Variants in HPGDS observed in about 807,000 individuals in gnomAD.
HPGDS encodes the protein hematopoietic prostaglandin D synthase.
HPGDS carries 26 observed loss-of-function variants against 23.1 expected under a neutral mutation model. The ratio of observed to expected loss-of-function variants is 1.13; its 90% CI spans 0.83 to 1.56. The LOEUF (loss-of-function observed/expected upper bound fraction) is 1.56, where lower values mean the gene tolerates loss of function less well. Ranked by LOEUF, HPGDS falls within the 40% of genes most tolerant of loss-of-function variation. The probability of loss-of-function intolerance (pLI) is 0.00; values close to 1 mark genes in which losing one functional copy is unlikely to be tolerated. For missense variants in HPGDS, 268 were observed against 236.4 expected (o/e 1.13, Z -0.88); for synonymous variants, 95 against 77.9 (o/e 1.22, Z -1.16).
chr4:94,308,712 A>G lies in HPGDS; in HGVS notation c.258T>C (p.Cys86=). Residue 86 remains cysteine (C), a synonymous_variant, in exon 4 of 6, where the codon TGT becomes TGC. Transcript: ENST00000295256. ...GAGTGTCCACAATAGCATCAACATG[A>G]CATTGTTCCATTTCTGTGTTTCCAG... ...DLAGNTEMEQ[C]HVDAIVDTLD... 1.9e-6 allele frequency: 3 copies of G among 1,605,662 alleles called. No individual in the cohort carries two copies. Among genetic ancestry groups the G allele is most frequent in the Non-Finnish European group, 2.6e-6 (3 of 1,173,668 alleles).
intron 3 of HPGDS, among the ~76,000 whole-genome samples, chr4:94,315,396 G>T (rs1004738036): frequency 2.0e-5 from 3 of 152,098 alleles, no homozygotes; most frequent in South Asian, 4.1e-4. Context: ...AATTTATTTT[G>T]TATCAAGAAT....
In HPGDS at chr4:94,300,209, G is replaced by A. The variant is rs188134296; in HGVS notation, c.436-565C>T. Among the ~76,000 whole-genome samples the A allele has an allele frequency of 1.2e-4, 18 of 152,196 alleles. No homozygotes were observed. The East Asian group carries it at 2.9e-3, about 25-fold the overall frequency. On this transcript the variant is annotated intron_variant, in intron 5 of 5. Transcript: ENST00000295256. ...CTACGTAGTATAAAGGAAGGTGCAGGTTACTCTTAGAGGGTATATAATTTC... is the reference window on the plus strand; with the variant it reads ...CTACGTAGTATAAAGGAAGGTGCAGATTACTCTTAGAGGGTATATAATTTC...
At chr4:94,307,840 A>C (rs902520338) in intron 4 of HPGDS, among the ~76,000 whole-genome samples, 2 of 152,198 alleles carry the variant, frequency 1.3e-5, no homozygotes, top group Non-Finnish European at 1.5e-5. Flanking sequence ...AGCATACTAC[A>C]GTGCACAGTT....
At chr4:94,300,439 G>A (rs559960949) in intron 5 of HPGDS, among the ~76,000 whole-genome samples, 34 of 152,280 alleles carry the variant, frequency 2.2e-4, no homozygotes, top group African/African-American at 8.2e-4. Context: ...TTATCAAAGA[G>A]TGAAGTTTAA....
At chr4:94,312,388 C>A (rs544167192) in intron 3 of HPGDS, among the ~76,000 whole-genome samples, 5 of 152,138 alleles carry the variant, frequency 3.3e-5, no homozygotes, top group Admixed American at 1.3e-4. Flanking sequence ...GCCTTCATTT[C>A]GTTATGTACC....
intron 2 of HPGDS, among the ~76,000 whole-genome samples, chr4:94,328,644 A>T (rs1037779326): frequency 6.6e-6 from 1 of 152,218 alleles, no homozygotes; most frequent in Non-Finnish European, 1.5e-5. Context: ...TAATGCATGT[A>T]AATCACTTTT....
chr4:94,336,570 G>A (rs975487721), intron 1 of HPGDS, among the ~76,000 whole-genome samples: 3 of 152,172 alleles, frequency 2.0e-5, no homozygotes, highest in African/African-American at 7.2e-5. Flanking sequence ...ATATAGATAT[G>A]TGGGGAAATG....
intron 4 of HPGDS, among the ~76,000 whole-genome samples, chr4:94,302,821 C>T (rs1465686324): frequency 1.3e-5 from 2 of 151,884 alleles, no homozygotes; most frequent in Non-Finnish European, 2.9e-5. Flanking sequence ...CTAGTTATCC[C>T]CTCTTGATAT....
At chr4:94,334,751 A>G (rs1257664021) in intron 1 of HPGDS, 113 bp from the exon 2 acceptor site, 2 of 873,042 alleles carry the variant, frequency 2.3e-6, no homozygotes, top group East Asian at 2.7e-5. Flanking sequence ...TACTGGAGAC[A>G]TTAGAGGATA....
rs146652732 is a variant in HPGDS, at chr4:94,299,628, A to G, written c.452T>C (p.Phe151Ser). The G allele has an allele frequency of 6.4e-4, 1,036 of 1,613,936 alleles. 1 individual carries two copies. The highest frequency in any genetic ancestry group is 1.0e-3 in the Admixed American group (60 of 60,014). Residue 151 changes from phenylalanine (F) to serine (S), a missense_variant, in exon 6 of 6, where the codon TTC becomes TCC. Physicochemically the swap from Phe to Ser is radical, Grantham distance 155. Coordinates refer to ENST00000295256, the MANE Select transcript of HPGDS (RefSeq NM_014485.3). ...TGTGGTACTGCAAATCTCCCAGTAG[A>G]AGTCTGCCCAAGTTACCTAGTTTAA... ...LIGNSVTWAD[F>S]YWEICSTTLL... is the part of the protein sequence containing the mutation.
intron 2 of HPGDS, among the ~76,000 whole-genome samples, chr4:94,332,305 C>T (rs550162656): frequency 2.6e-5 from 4 of 152,292 alleles, no homozygotes; most frequent in South Asian, 2.1e-4. Context: ...GTTCTTCGGA[C>T]GCTGGACAAC....
intron 3 of HPGDS, among the ~76,000 whole-genome samples, chr4:94,315,548 A>G (rs557398154): frequency 1.3e-5 from 2 of 152,096 alleles, no homozygotes; most frequent in African/African-American, 4.8e-5. Flanking sequence ...GGTCTTCCTA[A>G]AAGTTTTCTC....
chr4:94,311,362 G>T (rs896987285), intron 3 of HPGDS, among the ~76,000 whole-genome samples: 2 of 151,294 alleles, frequency 1.3e-5, no homozygotes, highest in East Asian at 3.8e-4. Flanking sequence ...GTGGAATTGT[G>T]TCCAAGGCCT....
intron 1 of HPGDS, among the ~76,000 whole-genome samples, chr4:94,338,274 A>G (rs1721064029): frequency 6.6e-6 from 1 of 152,050 alleles, no homozygotes; most frequent in Non-Finnish European, 1.5e-5. Context: ...AAAATATACA[A>G]ATTAGCTGGA....
At chr4:94,337,981 A>G (rs1721058439) in intron 1 of HPGDS, among the ~76,000 whole-genome samples, 4 of 152,206 alleles carry the variant, frequency 2.6e-5, no homozygotes. Flanking sequence ...TTCCTTTTAA[A>G]ATATTCTTTC....
At chr4:94,340,267 TTC>T (rs1721112277) in intron 1 of HPGDS, among the ~76,000 whole-genome samples, 2 of 42,794 alleles carry the variant, frequency 4.7e-5, no homozygotes, top group African/African-American at 7.9e-5. Flanking sequence ...AAACCTTTCT[TTC>T]TTTCTTTCTT....
chr4:94,302,857 AC>A (rs1291662184), intron 4 of HPGDS, among the ~76,000 whole-genome samples: 1 of 152,082 alleles, frequency 6.6e-6, no homozygotes, highest in African/African-American at 2.4e-5. Flanking sequence ...TTAAAAATTA[AC>A]ATCCTTAGGA....
chr4:94,332,124 T>C (rs78621765), intron 2 of HPGDS, among the ~76,000 whole-genome samples: 4,383 of 152,214 alleles, frequency 0.029, 204 homozygotes, highest in African/African-American at 0.099. Flanking sequence ...TGGAGAGAGT[T>C]GACTTGACTT....
intron 1 of HPGDS, among the ~76,000 whole-genome samples, chr4:94,340,296 TC>T (rs1721116534): frequency 2.9e-5 from 2 of 68,136 alleles, no homozygotes; most frequent in African/African-American, 1.1e-4. Context: ...TTTCTTTCTT[TC>T]TTTCTTTCTT....
Sources: allele counts gnomAD v4.1 joint callset (sites outside exome capture counted in the v4.1 genomes callset), GRCh38; gene constraint gnomAD v4.1.1; transcripts MANE v1.5; gene names NCBI Gene and HGNC (gene_info 2026-07-23, HGNC 2026-07-21).